SLC44A1: variants seen among roughly 807,000 people sequenced by gnomAD.
SLC44A1 encodes choline transporter-like protein 1.
A neutral mutation model predicts 79.3 loss-of-function variants in SLC44A1; 26 were observed. The observed-to-expected ratio is 0.33, with a 90% CI of 0.24 to 0.46. SLC44A1 has a LOEUF of 0.46. Among genes scored for constraint, SLC44A1 ranks in the 20% least tolerant of loss-of-function variants. The pLI is 1.00. For missense variants in SLC44A1, 688 were observed against 798.1 expected (o/e 0.86, Z 1.66); for synonymous variants, 263 against 286.2 (o/e 0.92, Z 0.82).
In SLC44A1 at chr9:105,394,565, T is replaced by C; in HGVS notation, c.*5509T>C. On this transcript the variant is annotated 3_prime_UTR_variant, in exon 16 of 16. Coordinates refer to ENST00000374720, the MANE Select transcript of SLC44A1 (RefSeq NM_080546.5). ...ATAGGGAATCCTTGTAATTAATCCA[T>C]CTACCAAAACACTTGATTCTTTTTA... 1 of 985,182 alleles carries C rather than the reference T, an allele frequency of 1.0e-6. No homozygotes were observed. Among genetic ancestry groups the C allele is most frequent in the Non-Finnish European group, 1.2e-6 (1 of 829,832 alleles). The allele number at this position is 985,182 out of a possible 1,614,324, so 61.0% of individuals were successfully genotyped here. A position where few individuals can be genotyped will look rare whatever the true frequency, so the allele number is the denominator to read the frequency against.
chr9:105,392,935 A>C lies in SLC44A1; in HGVS notation c.*3879A>C. ...TCGCTTTTCAATAAGTAAGTTCTTT[A>C]CTGCTTTTCTACTGCTACTTTAAAA... On this transcript the variant is annotated 3_prime_UTR_variant, in exon 16 of 16. Transcript: ENST00000374720. 1 of 985,120 alleles carries C rather than the reference A, an allele frequency of 1.0e-6. No homozygotes were observed. Among genetic ancestry groups the C allele is most frequent in the Non-Finnish European group, 1.2e-6 (1 of 829,788 alleles). 61.0% of individuals were successfully genotyped at this position (985,120 alleles called of 1,614,324 possible).
chr9:105,390,443 A>AC lies in SLC44A1; in HGVS notation c.*1387_*1388insC. 2 of 982,812 alleles carry AC rather than the reference A, an allele frequency of 2.0e-6. No homozygotes were observed. The highest frequency in any genetic ancestry group is 2.4e-6 in the Non-Finnish European group (2 of 827,922). The allele number at this position is 982,812 out of a possible 1,614,324, so 60.9% of individuals were successfully genotyped here. ...ACAGGCTCTGTACAAAAAAAAAAAA[A>AC]AAAAAAAAGCCTCAGCATTTTATCA... On this transcript the variant is annotated 3_prime_UTR_variant, in exon 16 of 16. Transcript: ENST00000374720.
chr9:105,424,920 G>T (rs1410297044), intron 15 of SLC44A1, among the ~76,000 whole-genome samples: 1 of 145,902 alleles, frequency 6.9e-6, no homozygotes, highest in Non-Finnish European at 1.5e-5. Context: ...GCACACTCCA[G>T]CCTGGGCAAC....
At chr9:105,384,479 C>T (rs1828570832) in intron 14 of SLC44A1, among the ~76,000 whole-genome samples, 1 of 152,084 alleles carries the variant, frequency 6.6e-6, no homozygotes, top group East Asian at 1.9e-4. Flanking sequence ...CCATGCCCAG[C>T]CTAGATTTTT....
exon 16 of SLC44A1, chr9:105,438,453 G>C: frequency 3.2e-6 from 2 of 625,850 alleles, no homozygotes; most frequent in South Asian, 4.0e-5. Flanking sequence ...CAGCCAAGTG[G>C]ATTTGGTACA....
intron 13 of SLC44A1, among the ~76,000 whole-genome samples, chr9:105,380,274 T>C (rs1324007005): frequency 6.6e-6 from 1 of 152,236 alleles, no homozygotes; most frequent in Admixed American, 6.5e-5. Flanking sequence ...TCCTTCCTGC[T>C]TCCCACATCC....
intron 3 of SLC44A1, among the ~76,000 whole-genome samples, chr9:105,310,209 C>G (rs535303629): frequency 6.6e-6 from 1 of 151,876 alleles, no homozygotes; most frequent in East Asian, 1.9e-4. Flanking sequence ...ATATTTTCCT[C>G]TAAGATTATG....
At chr9:105,405,132 C>T (rs944507096) in intron 15 of SLC44A1, among the ~76,000 whole-genome samples, 2 of 152,008 alleles carry the variant, frequency 1.3e-5, no homozygotes, top group Non-Finnish European at 2.9e-5. Flanking sequence ...CCAGCCTGGG[C>T]AACATGGTGA....
rs142290987 is a variant in SLC44A1, at chr9:105,281,030, A to T, written c.37-18190A>T. On this transcript the variant is annotated intron_variant, in intron 1 of 15. Transcript: ENST00000374720. Reference sequence around the variant, plus strand: ...GGTGAACCTGTGACTCCCAGGCCAGAGCACATTCCTTTTTGTAGTTGCCTT... The same window carrying T: ...GGTGAACCTGTGACTCCCAGGCCAGTGCACATTCCTTTTTGTAGTTGCCTT... Among the ~76,000 whole-genome samples, 103 of 152,332 alleles carry T rather than the reference A, an allele frequency of 6.8e-4. No individual in the cohort carries two copies. The Middle Eastern group carries it at 0.02, about 30-fold the overall frequency.
chr9:105,300,460 G>A (rs181615627), intron 2 of SLC44A1, among the ~76,000 whole-genome samples: 135 of 152,224 alleles, frequency 8.9e-4, no homozygotes, highest in African/African-American at 3.0e-3. Context: ...TGCCCACCAG[G>A]CCAGCGCCAT....
chr9:105,364,388 A>G (rs1827877982), intron 9 of SLC44A1, among the ~76,000 whole-genome samples, 167 bp from the exon 10 acceptor site: 1 of 152,238 alleles, frequency 6.6e-6, no homozygotes, highest in Non-Finnish European at 1.5e-5. Context: ...TACAATTCTT[A>G]ATTTCACAAC....
chr9:105,345,734 G>A (rs1043726077), intron 4 of SLC44A1, among the ~76,000 whole-genome samples: 4 of 152,098 alleles, frequency 2.6e-5, no homozygotes, highest in South Asian at 2.1e-4. Flanking sequence ...CATTTTGGGG[G>A]CCATAGCAAC....
chr9:105,305,842 C>CTTTTTTTTTTTTTTTTT (rs1564426808), intron 2 of SLC44A1, among the ~76,000 whole-genome samples: 1 of 134,382 alleles, frequency 7.4e-6, no homozygotes, highest in African/African-American at 3.0e-5. Flanking sequence ...AAAAGTGTGT[C>CTTTTTTTTTTTTTTTTT]CTTTTTTTTT....
intron 13 of SLC44A1, among the ~76,000 whole-genome samples, chr9:105,380,506 A>G (rs910248537): frequency 6.6e-6 from 1 of 152,076 alleles, no homozygotes; most frequent in Non-Finnish European, 1.5e-5. Context: ...TTCTAAAGTC[A>G]TGCGCCCTAT....
chr9:105,301,584 T>C (rs1005147285), intron 2 of SLC44A1, among the ~76,000 whole-genome samples: 2 of 152,200 alleles, frequency 1.3e-5, no homozygotes, highest in Admixed American at 6.5e-5. Context: ...TGGATTTCAT[T>C]CTATAGTACT....
intron 1 of SLC44A1, among the ~76,000 whole-genome samples, chr9:105,293,758 A>G (rs548037436): frequency 1.2e-4 from 19 of 152,304 alleles, no homozygotes; most frequent in Non-Finnish European, 2.4e-4. Context: ...CTGTATCTTT[A>G]TTTGCAATAA....
chr9:105,429,183 G>A (rs1247054244), intron 15 of SLC44A1, among the ~76,000 whole-genome samples: 1 of 152,252 alleles, frequency 6.6e-6, no homozygotes, highest in African/African-American at 2.4e-5. Flanking sequence ...ACATCCACAG[G>A]GCACACAATT....
At chr9:105,260,035 C>T (rs566827236) in intron 1 of SLC44A1, among the ~76,000 whole-genome samples, 6 of 152,238 alleles carry the variant, frequency 3.9e-5, no homozygotes, top group Admixed American at 3.3e-4. Context: ...GCTCTACATG[C>T]CATCACTTTG....
At chr9:105,354,278 C>T (rs1470761992) in intron 5 of SLC44A1, among the ~76,000 whole-genome samples, 1 of 151,544 alleles carries the variant, frequency 6.6e-6, no homozygotes, top group Non-Finnish European at 1.5e-5. Flanking sequence ...TCTCGATCTC[C>T]TGACCTCGTG....
Sources: allele counts gnomAD v4.1 joint callset (sites outside exome capture counted in the v4.1 genomes callset), GRCh38; gene constraint gnomAD v4.1.1; transcripts MANE v1.5; gene names NCBI Gene and HGNC (gene_info 2026-07-23, HGNC 2026-07-21).